Variants in NAV2 observed in about 807,000 individuals in gnomAD.
NAV2 encodes the protein helicase, APC down-regulated 1.
Under a neutral mutation model 223.2 loss-of-function variants are expected in NAV2, and 54 were observed. The observed-to-expected ratio is 0.24, with a 90% CI of 0.19 to 0.30. NAV2 has a LOEUF of 0.30. Ranked by LOEUF, NAV2 falls within the 10% of genes least tolerant of loss-of-function variation. NAV2 has a pLI of 1.00. For synonymous variants in NAV2, 1,279 were observed against 1,239.3 expected, an observed-to-expected ratio of 1.03 and a Z score of -0.67; for missense variants, 2,806 against 3,147.5, an observed-to-expected ratio of 0.89 and a Z score of 2.60.
chr11:19,960,780 A>AT (rs2048296561), intron 10 of NAV2, among the ~76,000 whole-genome samples: 1 of 151,958 alleles, frequency 6.6e-6, no homozygotes, highest in Non-Finnish European at 1.5e-5. Context: ...TGCCCAGTTA[A>AT]TTTTTGTATC....
chr11:20,101,908 G>A (rs1451636514), intron 32 of NAV2, among the ~76,000 whole-genome samples: 3 of 152,190 alleles, frequency 2.0e-5, no homozygotes, highest in South Asian at 2.1e-4. Context: ...ATGCAAAGGG[G>A]CCAGAGAATC....
chr11:20,077,519 G>A (rs760601459), intron 22 of NAV2, 33 bp from the exon 23 acceptor site: 26 of 1,535,864 alleles, frequency 1.7e-5, no homozygotes, highest in Non-Finnish European at 2.2e-5. Context: ...GCCTTGCAAG[G>A]TAATATAACT....
intron 10 of NAV2, among the ~76,000 whole-genome samples, chr11:19,968,303 T>G (rs1048932286): frequency 1.3e-5 from 2 of 152,188 alleles, no homozygotes; most frequent in African/African-American, 4.8e-5. Flanking sequence ...TTCAAGCTCC[T>G]GGATTCTCCG....
chr11:19,534,080 C>T (rs1370843730), intron 1 of NAV2, among the ~76,000 whole-genome samples: 1 of 152,224 alleles, frequency 6.6e-6, no homozygotes, highest in African/African-American at 2.4e-5. Context: ...CCCCATGCCA[C>T]CCTTGTGGCT....
At chr11:19,352,979 C>A (rs1249393069) in intron 1 of NAV2, among the ~76,000 whole-genome samples, 1 of 152,114 alleles carries the variant, frequency 6.6e-6, no homozygotes, top group Non-Finnish European at 1.5e-5. Context: ...AGCCTCTCAG[C>A]GTGCAGCCTG....
chr11:19,940,095 T>C (rs1591338705), intron 8 of NAV2, among the ~76,000 whole-genome samples: 1 of 152,164 alleles, frequency 6.6e-6, no homozygotes, highest in Admixed American at 6.5e-5. Flanking sequence ...ACTTTGAATC[T>C]TCTTGTTTAC....
At chr11:19,643,901 T>C (rs918873118) in intron 1 of NAV2, among the ~76,000 whole-genome samples, 2 of 152,250 alleles carry the variant, frequency 1.3e-5, no homozygotes, top group African/African-American at 4.8e-5. Context: ...TGATTTGCAT[T>C]TCTCTGGATG....
chr11:19,543,704 C>A (rs1003403779), intron 1 of NAV2, among the ~76,000 whole-genome samples: 16 of 152,282 alleles, frequency 1.1e-4, no homozygotes, highest in African/African-American at 3.4e-4. Flanking sequence ...GATCATTCAG[C>A]GTTAAATGAG....
At chr11:19,546,836 C>G (rs891324510) in intron 1 of NAV2, among the ~76,000 whole-genome samples, 1 of 152,170 alleles carries the variant, frequency 6.6e-6, no homozygotes, top group Non-Finnish European at 1.5e-5. Flanking sequence ...CTTTCTAACC[C>G]CAGCTGCAAA....
chr11:19,886,395 G>A (rs1020626383), intron 5 of NAV2, among the ~76,000 whole-genome samples: 6 of 152,270 alleles, frequency 3.9e-5, no homozygotes, highest in Admixed American at 2.0e-4. Context: ...AAGTCCACAC[G>A]TTACCCAGAC....
At chr11:19,529,310 T>A (rs2043950040) in intron 1 of NAV2, among the ~76,000 whole-genome samples, 1 of 152,208 alleles carries the variant, frequency 6.6e-6, no homozygotes, top group Non-Finnish European at 1.5e-5. Flanking sequence ...TTGCATTGAT[T>A]AACATTTAAC....
chr11:19,460,949 G>A (rs995140406), intron 1 of NAV2, among the ~76,000 whole-genome samples: 1 of 152,098 alleles, frequency 6.6e-6, no homozygotes, highest in African/African-American at 2.4e-5. Flanking sequence ...GAGACATAGA[G>A]CATGCTTCTG....
intron 17 of NAV2, 68 bp downstream of exon 17, chr11:20,051,401 T>A: frequency 6.9e-7 from 1 of 1,446,134 alleles, no homozygotes; most frequent in Non-Finnish European, 9.7e-7. Flanking sequence ...TGTGACTCCT[T>A]CATGGCTGGT....
intron 1 of NAV2, among the ~76,000 whole-genome samples, chr11:19,651,689 A>G (rs2047971877): frequency 6.6e-6 from 1 of 152,240 alleles, no homozygotes; most frequent in South Asian, 2.1e-4. Flanking sequence ...AGCACTTAGC[A>G]CCATGTGGCA....
chr11:19,876,481 A>T (rs1479461440), intron 4 of NAV2, among the ~76,000 whole-genome samples: 1 of 152,230 alleles, frequency 6.6e-6, no homozygotes, highest in African/African-American at 2.4e-5. Context: ...TAGAGATTTA[A>T]CCACAAGATT....
At chr11:19,508,240 T>TA (rs781625107) in intron 1 of NAV2, among the ~76,000 whole-genome samples, 2 of 152,238 alleles carry the variant, frequency 1.3e-5, no homozygotes, top group South Asian at 4.2e-4. Flanking sequence ...CAGCAACTCC[T>TA]ACCCTGACCT....
At chr11:19,828,506 C>G (rs1038063175) in intron 1 of NAV2, among the ~76,000 whole-genome samples, 5 of 151,834 alleles carry the variant, frequency 3.3e-5, no homozygotes, top group African/African-American at 1.2e-4. Context: ...CATGTTGTAA[C>G]ATGTTTCAGA....
chr11:19,346,668 T>A (rs1220367290), upstream of NAV2, among the ~76,000 whole-genome samples: 1 of 152,182 alleles, frequency 6.6e-6, no homozygotes, highest in East Asian at 1.9e-4. Flanking sequence ...AGTGCACAGA[T>A]AAAGGCGCCA....
intron 22 of NAV2, among the ~76,000 whole-genome samples, chr11:20,075,203 T>G (rs1300946500): frequency 7.7e-6 from 1 of 129,100 alleles, no homozygotes; most frequent in African/African-American, 3.4e-5. Flanking sequence ...TGTCTCCATG[T>G]TTTTTGTTTT....
Sources: allele counts gnomAD v4.1 joint callset (sites outside exome capture counted in the v4.1 genomes callset), GRCh38; gene constraint gnomAD v4.1.1; transcripts MANE v1.5; gene names NCBI Gene and HGNC (gene_info 2026-07-23, HGNC 2026-07-21).